SYT1: variants seen among roughly 807,000 people sequenced by gnomAD.
The protein encoded by SYT1 is synaptotagmin-1.
Under a neutral mutation model 44.8 loss-of-function variants are expected in SYT1, and 8 were observed. The observed-to-expected ratio is 0.18, with a 90% CI of 0.10 to 0.32. The LOEUF is 0.32. SYT1 is among the 10% of genes least tolerant of loss of function. The pLI, the probability that SYT1 is intolerant of heterozygous loss-of-function variation, is 1.00. For missense variants in SYT1, 286 were observed against 509.3 expected (o/e 0.56, Z 4.22); for synonymous variants, 154 against 188.8 (o/e 0.82, Z 1.51).
At chr12:79,097,047 A>G (rs1171584566) in intron 3 of SYT1, among the ~76,000 whole-genome samples, 1 of 152,022 alleles carries the variant, frequency 6.6e-6, no homozygotes, top group Non-Finnish European at 1.5e-5. Context: ...ACTGAGGTTG[A>G]ATCAGGGCAG....
At position 78,933,142 on chromosome 12, in the gene SYT1, G is replaced by T. The variant is rs369917654; in HGVS notation, c.-216-44657G>T. On this transcript the variant is annotated intron_variant, in intron 1 of 10. Transcript: ENST00000261205. ...GTGCACCTGTGAAGAAATATCTAGG[G>T]CATAGATATTTCCTCATCTCTCTTT... 1.2e-4 allele frequency among the ~76,000 whole-genome samples: 18 copies of T among 152,096 alleles called. 1 individual carries two copies. The highest frequency in any genetic ancestry group is 5.9e-4 in the Admixed American group (9 of 15,282).
chr12:79,249,988 T>C (rs963279260), intron 4 of SYT1, among the ~76,000 whole-genome samples: 3 of 152,314 alleles, frequency 2.0e-5, no homozygotes, highest in Admixed American at 6.5e-5. Flanking sequence ...TGTAATATGA[T>C]CATTATCATT....
chr12:79,045,188 GC>G (rs1462252951), intron 2 of SYT1, among the ~76,000 whole-genome samples: 1 of 152,232 alleles, frequency 6.6e-6, no homozygotes, highest in Non-Finnish European at 1.5e-5. Context: ...ACCTAAGCAA[GC>G]CCGGGCAATG....
Position 79,228,893 on chromosome 12 carries a change from C to G in SYT1, c.166+11208C>G, listed in dbSNP as rs150839260. Among the ~76,000 whole-genome samples, 620 of 152,282 alleles carry G rather than the reference C, an allele frequency of 4.1e-3. 3 individuals carry two copies. Among genetic ancestry groups the G allele is most frequent in the African/African-American group, 0.014 (584 of 41,552 alleles). On this transcript the variant is annotated intron_variant, in intron 4 of 10. Transcript: ENST00000261205. ...TGGGGTTTTTTTTGCCATTCAAGAG[C>G]CAGTTCAAGTGTCACCACTTGGATG...
At chr12:79,207,435 G>A (rs1257017254) in intron 3 of SYT1, among the ~76,000 whole-genome samples, 2 of 152,098 alleles carry the variant, frequency 1.3e-5, no homozygotes, top group African/African-American at 4.8e-5. Flanking sequence ...ATAGGTAAAC[G>A]TGTGCCATGG....
rs1292642427 is a variant in SYT1, at chr12:79,125,909, G to GT, written c.-18+78554dup. ...TCATCAATCACTACTTTCCTTATTT[G>GT]TTTTTTTCTTTATTTTCTTCAGAGC... On this transcript the variant is annotated intron_variant, in intron 3 of 10. Transcript: ENST00000261205. 2.0e-5 allele frequency among the ~76,000 whole-genome samples: 3 copies of GT among 152,042 alleles called. No individual in the cohort carries two copies. In the East Asian group the frequency reaches 5.8e-4, roughly 29 times the overall value.
At chr12:79,203,866 C>T (rs1873941868) in intron 3 of SYT1, among the ~76,000 whole-genome samples, 2 of 152,184 alleles carry the variant, frequency 1.3e-5, no homozygotes, top group South Asian at 2.1e-4. Context: ...GGATTTTAAC[C>T]ATCTGCGTAC....
At chr12:79,154,405 C>T (rs901988274) in intron 3 of SYT1, among the ~76,000 whole-genome samples, 2 of 149,388 alleles carry the variant, frequency 1.3e-5, no homozygotes, top group Non-Finnish European at 3.0e-5. Context: ...GTTTTTTTCT[C>T]CTTTTTTTTT....
At chr12:79,377,228 C>A (rs898053569) in intron 9 of SYT1, among the ~76,000 whole-genome samples, 3 of 152,180 alleles carry the variant, frequency 2.0e-5, no homozygotes, top group Admixed American at 1.3e-4. Context: ...TCTCCTGCCT[C>A]AGCCTCCCGA....
At chr12:79,361,052 A>G (rs1168097255) in intron 9 of SYT1, among the ~76,000 whole-genome samples, 1 of 152,222 alleles carries the variant, frequency 6.6e-6, no homozygotes, top group Non-Finnish European at 1.5e-5. Flanking sequence ...ACTCCTAAGT[A>G]GATTCTTTAG....
chr12:79,284,404 C>T (rs1290166953), intron 4 of SYT1, among the ~76,000 whole-genome samples: 1 of 152,166 alleles, frequency 6.6e-6, no homozygotes, highest in African/African-American at 2.4e-5. Flanking sequence ...GTCCTCCTCT[C>T]ATTGCCTTTG....
At position 79,136,789 on chromosome 12, in the gene SYT1, ATT is replaced by A. The variant is rs775988809; in HGVS notation, c.-17-80712_-17-80711del. ...AATCCTTTACATTTAGAAAAAAATC[ATT>A]TCTCTTGTGTTTTTCATTAATTATA... On this transcript the variant is annotated intron_variant, in intron 3 of 10. Transcript: ENST00000261205. 9.1e-4 allele frequency among the ~76,000 whole-genome samples: 138 copies of A among 152,272 alleles called. 1 individual carries two copies. The highest frequency in any genetic ancestry group is 1.7e-3 in the Non-Finnish European group (117 of 68,018).
intron 4 of SYT1, among the ~76,000 whole-genome samples, chr12:79,244,780 TCTC>T (rs2138666932): frequency 6.6e-6 from 1 of 151,990 alleles, no homozygotes; most frequent in South Asian, 2.1e-4. Flanking sequence ...TTTCCACACA[TCTC>T]AGTTTAGTAC....
At position 79,119,479 on chromosome 12, in the gene SYT1, GT is replaced by G. The variant is rs138880594; in HGVS notation, c.-18+72127del. 2.2e-4 allele frequency among the ~76,000 whole-genome samples: 33 copies of G among 148,058 alleles called. No homozygotes were observed. The East Asian group carries it at 2.8e-3, about 12-fold the overall frequency. ...CCTTACATATTTTCTCACATAAGGT[GT>G]TTTTTTTTTAGTCATAACTTTTCTT... On this transcript the variant is annotated intron_variant, in intron 3 of 10. Coordinates refer to ENST00000261205, the MANE Select transcript of SYT1 (RefSeq NM_005639.3).
chr12:79,322,678 C>A (rs1881421845), intron 8 of SYT1, among the ~76,000 whole-genome samples: 1 of 152,096 alleles, frequency 6.6e-6, no homozygotes, highest in Admixed American at 6.5e-5. Flanking sequence ...GCGTCTATGG[C>A]AGTTTCTAAT....
At chr12:79,399,193 C>T (rs1464651635) in intron 9 of SYT1, among the ~76,000 whole-genome samples, 1 of 151,808 alleles carries the variant, frequency 6.6e-6, no homozygotes, top group Admixed American at 6.6e-5. Context: ...TTCATCTTTT[C>T]CTTGTTCTTT....
chr12:79,051,759 T>C (rs959065647), intron 3 of SYT1, among the ~76,000 whole-genome samples: 4 of 152,046 alleles, frequency 2.6e-5, no homozygotes, highest in African/African-American at 7.2e-5. Flanking sequence ...TATAGTGATA[T>C]TTAATTTAAA....
intron 4 of SYT1, among the ~76,000 whole-genome samples, chr12:79,218,518 CA>C (rs1360648639): frequency 3.3e-5 from 5 of 152,160 alleles, no homozygotes; most frequent in Non-Finnish European, 7.4e-5. Context: ...AACATCTCCC[CA>C]ATTGCCACCT....
At chr12:79,343,680 A>G (rs1882476741) in intron 8 of SYT1, among the ~76,000 whole-genome samples, 1 of 152,258 alleles carries the variant, frequency 6.6e-6, no homozygotes, top group Non-Finnish European at 1.5e-5. Context: ...AATATTTGGC[A>G]CATACTCCCA....
Sources: allele counts gnomAD v4.1 joint callset (sites outside exome capture counted in the v4.1 genomes callset), GRCh38; gene constraint gnomAD v4.1.1; transcripts MANE v1.5; gene names NCBI Gene and HGNC (gene_info 2026-07-23, HGNC 2026-07-21).